The following CELF4 variants were observed in gnomAD, a reference collection of about 807,000 sequenced individuals.
The protein encoded by CELF4 is CUG-BP- and ETR-3-like factor 4.
CELF4 carries 18 observed loss-of-function variants against 59.9 expected under a neutral mutation model. That is an observed-to-expected ratio of 0.30 (90% CI 0.21 to 0.45). CELF4 has a LOEUF of 0.45. CELF4 is among the 20% of genes least tolerant of loss of function. The pLI, the probability that CELF4 is intolerant of heterozygous loss-of-function variation, is 1.00. For synonymous variants in CELF4, 261 were observed against 267.1 expected, an observed-to-expected ratio of 0.98 and a Z score of 0.22; for missense variants, 456 against 689.0, an observed-to-expected ratio of 0.66 and a Z score of 3.79.
intron 12 of CELF4, among the ~76,000 whole-genome samples, chr18:37,250,104 C>CT (rs1178497371): frequency 6.6e-6 from 1 of 152,172 alleles, no homozygotes; most frequent in African/African-American, 2.4e-5. Flanking sequence ...AGGCCAATCT[C>CT]TGAGCTGGGC....
At chr18:37,453,731 A>G (rs996121818) in intron 2 of CELF4, among the ~76,000 whole-genome samples, 3 of 152,194 alleles carry the variant, frequency 2.0e-5, no homozygotes, top group African/African-American at 7.2e-5. Context: ...CAGATGACCC[A>G]TCAGGGCCTC....
intron 2 of CELF4, among the ~76,000 whole-genome samples, chr18:37,392,665 A>G (rs2099176094): frequency 6.6e-6 from 1 of 152,218 alleles, no homozygotes; most frequent in Non-Finnish European, 1.5e-5. Flanking sequence ...CTGGTCCCCA[A>G]AGCATTGGAC....
At chr18:37,298,864 A>G (rs1213920140) in intron 3 of CELF4, among the ~76,000 whole-genome samples, 16 of 152,276 alleles carry the variant, frequency 1.1e-4, no homozygotes, top group Admixed American at 7.2e-4. Context: ...GAACACTGCT[A>G]ACATGCTGTA....
chr18:37,547,028 G>A (rs542118367), intron 1 of CELF4, among the ~76,000 whole-genome samples: 2 of 152,262 alleles, frequency 1.3e-5, no homozygotes, highest in South Asian at 4.1e-4. Flanking sequence ...TCCAGCAGAT[G>A]GAGGAAACAG....
intron 1 of CELF4, among the ~76,000 whole-genome samples, chr18:37,562,140 C>A (rs1046956035): frequency 6.6e-6 from 1 of 152,192 alleles, no homozygotes; most frequent in African/African-American, 2.4e-5. Flanking sequence ...CCCAGCCCAA[C>A]AGCCTTTCTC....
intron 1 of CELF4, among the ~76,000 whole-genome samples, chr18:37,556,285 C>T (rs552757024): frequency 4.2e-4 from 64 of 152,322 alleles, no homozygotes; most frequent in African/African-American, 1.5e-3. Flanking sequence ...TTTGGGCATA[C>T]GCTACTCTGA....
chr18:37,395,848 ATGGTGTGAACTCCCCAGCC>A (rs1160283500), intron 2 of CELF4, among the ~76,000 whole-genome samples: 1 of 152,082 alleles, frequency 6.6e-6, no homozygotes, highest in Non-Finnish European at 1.5e-5. Flanking sequence ...TCAGCTCCCC[ATGGTGTGAACTCCCCAGCC>A]TGGGATCCAA....
chr18:37,400,318 A>G (rs926613562), intron 2 of CELF4, among the ~76,000 whole-genome samples: 31 of 92,646 alleles, frequency 3.3e-4, no homozygotes, highest in African/African-American at 1.2e-3. Context: ...ATATGTGTGT[A>G]TATATGTATA....
chr18:37,523,158 G>T (rs1178311209), intron 1 of CELF4, among the ~76,000 whole-genome samples: 2 of 152,194 alleles, frequency 1.3e-5, no homozygotes, highest in Admixed American at 6.5e-5. Flanking sequence ...ACGTGGGCTT[G>T]GTTGGGACCC....
In CELF4 at chr18:37,473,158, A is replaced by G. The variant is rs541530058; in HGVS notation, c.369+12367T>C. 3.3e-3 allele frequency among the ~76,000 whole-genome samples: 506 copies of G among 152,320 alleles called. 1 individual carries two copies. Among genetic ancestry groups the G allele is most frequent in the African/African-American group, 0.012 (491 of 41,568 alleles). ...GTCCCCTCCTTCCTGGCTCTCAGCC[A>G]TGCTGAAGTTTACCAGGAAGGTCAA... On this transcript the variant is annotated intron_variant, in intron 2 of 12. Coordinates refer to ENST00000420428, the MANE Select transcript of CELF4 (RefSeq NM_020180.4).
At chr18:37,332,533 C>A (rs1274766057) in intron 2 of CELF4, among the ~76,000 whole-genome samples, 1 of 152,104 alleles carries the variant, frequency 6.6e-6, no homozygotes, top group Admixed American at 6.5e-5. Flanking sequence ...GAGCCTCCAC[C>A]CTCTCCTATC....
At chr18:37,547,503 T>C (rs2099981853) in intron 1 of CELF4, among the ~76,000 whole-genome samples, 3 of 152,160 alleles carry the variant, frequency 2.0e-5, no homozygotes, top group African/African-American at 7.2e-5. Context: ...GCTGGGTGGC[T>C]CTTGGAAGGC....
chr18:37,553,365 C>G (rs1350908684), intron 1 of CELF4, among the ~76,000 whole-genome samples: 2 of 152,096 alleles, frequency 1.3e-5, no homozygotes, highest in Non-Finnish European at 2.9e-5. Context: ...CAGGCCCATC[C>G]ATTTCATCAC....
At chr18:37,358,765 G>A (rs905723075) in intron 2 of CELF4, among the ~76,000 whole-genome samples, 11 of 152,214 alleles carry the variant, frequency 7.2e-5, no homozygotes, top group South Asian at 4.1e-4. Context: ...ACAGTGTGCC[G>A]AACTTGTTCC....
At chr18:37,479,505 G>T (rs923345942) in intron 2 of CELF4, among the ~76,000 whole-genome samples, 1 of 152,144 alleles carries the variant, frequency 6.6e-6, no homozygotes, top group Non-Finnish European at 1.5e-5. Context: ...AATGTCCCCC[G>T]CAGGGCAAAA....
intron 2 of CELF4, among the ~76,000 whole-genome samples, chr18:37,455,784 G>T (rs2099776437): frequency 6.6e-6 from 1 of 152,222 alleles, no homozygotes; most frequent in African/African-American, 2.4e-5. Flanking sequence ...CCGCAGCTGG[G>T]ACAGGCCGAG....
chr18:37,483,648 T>C (rs2099875286), intron 2 of CELF4, among the ~76,000 whole-genome samples: 1 of 152,212 alleles, frequency 6.6e-6, no homozygotes, highest in Non-Finnish European at 1.5e-5. Flanking sequence ...GGAACAGTGT[T>C]AATTATGGGT....
chr18:37,502,396 G>T (rs902596652), intron 1 of CELF4, among the ~76,000 whole-genome samples: 2 of 152,282 alleles, frequency 1.3e-5, no homozygotes, highest in African/African-American at 2.4e-5. Flanking sequence ...AAGGAAGGGG[G>T]GGCAGGGAGA....
chr18:37,564,619 C>A (rs1310125315), intron 1 of CELF4, among the ~76,000 whole-genome samples: 1 of 152,022 alleles, frequency 6.6e-6, no homozygotes, highest in Non-Finnish European at 1.5e-5. Flanking sequence ...TTCCCAAAGC[C>A]CCGCTTTCCT....
Sources: gnomAD v4.1 joint callset for allele counts (sites outside exome capture counted in the v4.1 genomes callset) on GRCh38, gnomAD v4.1.1 for gene constraint, MANE v1.5 for transcripts, NCBI Gene and HGNC (gene_info 2026-07-23, HGNC 2026-07-21) for gene names.